SNTG1: variants seen among roughly 807,000 people sequenced by gnomAD.
SNTG1 encodes the protein gamma-1-syntrophin.
In SNTG1, 39 loss-of-function variants were observed where a neutral mutation model predicts 74.7. That is an observed-to-expected ratio of 0.52 (90% CI 0.40 to 0.68). SNTG1 has a LOEUF of 0.68. Ranked by LOEUF, SNTG1 falls within the 30% of genes least tolerant of loss-of-function variation. SNTG1 has a pLI of 0.00. For missense variants in SNTG1, 685 were observed against 609.5 expected, an observed-to-expected ratio of 1.12 and a Z score of -1.30; for synonymous variants, 254 against 217.1, an observed-to-expected ratio of 1.17 and a Z score of -1.49.
At chr8:50,339,389 T>A (rs75179057) in intron 2 of SNTG1, among the ~76,000 whole-genome samples, 1 of 151,980 alleles carries the variant, frequency 6.6e-6, no homozygotes, top group Non-Finnish European at 1.5e-5. Flanking sequence ...AAACAAGATC[T>A]TGTTTATATT....
Position 50,486,844 on chromosome 8 carries a change from A to C in SNTG1, c.364-15934A>C, listed in dbSNP as rs1309189887. Among the ~76,000 whole-genome samples the C allele has an allele frequency of 6.6e-5, 10 of 152,240 alleles. No individual in the cohort carries two copies. The East Asian group carries it at 1.7e-3, about 26-fold the overall frequency. On this transcript the variant is annotated intron_variant, in intron 8 of 18. Coordinates refer to ENST00000642720, the MANE Select transcript of SNTG1 (RefSeq NM_018967.5). ...TGTCCCATCAATACCTAATTTATTGAGAGTTTTTAGCATGAAGCGTTGTTG... is the reference window on the plus strand; with the variant it reads ...TGTCCCATCAATACCTAATTTATTGCGAGTTTTTAGCATGAAGCGTTGTTG...
intron 18 of SNTG1, among the ~76,000 whole-genome samples, chr8:50,769,935 G>C (rs1229979754): frequency 6.6e-6 from 1 of 152,044 alleles, no homozygotes; most frequent in Non-Finnish European, 1.5e-5. Context: ...AATGTAATAA[G>C]TTTCTATTTT....
In SNTG1 at chr8:50,314,166, C is replaced by A. The variant is rs969520396; in HGVS notation, c.-27-80046C>A. ...AGTTACTTATTAAAACTGAGGTGAG[C>A]ATTCTGATTCGAATCTGGTTTCAGT... On this transcript the variant is annotated intron_variant, in intron 2 of 18. Coordinates refer to ENST00000642720, the MANE Select transcript of SNTG1 (RefSeq NM_018967.5). Among the ~76,000 whole-genome samples the A allele has an allele frequency of 3.3e-5, 5 of 149,542 alleles. 1 individual carries two copies. Among genetic ancestry groups the A allele is most frequent in the African/African-American group, 1.0e-4 (4 of 40,068 alleles).
chr8:50,292,227 A>G (rs1209815300), intron 2 of SNTG1, among the ~76,000 whole-genome samples: 4 of 152,126 alleles, frequency 2.6e-5, no homozygotes, highest in Non-Finnish European at 5.9e-5. Context: ...TGAGTAAGGA[A>G]GACAGGGTGT....
At chr8:49,969,918 C>CTG (rs34129313) in intron 1 of SNTG1, among the ~76,000 whole-genome samples, 22,537 of 149,010 alleles carry the variant, frequency 0.15, 2,189 homozygotes, top group East Asian at 0.32. Context: ...AATAAAAAAC[C>CTG]TGTGTGTGTG....
intron 2 of SNTG1, among the ~76,000 whole-genome samples, chr8:50,338,800 G>A (rs2091232215): frequency 6.6e-6 from 1 of 152,044 alleles, no homozygotes; most frequent in African/African-American, 2.4e-5. Context: ...ATTTAAAAAG[G>A]GGTAACTTAT....
intron 12 of SNTG1, among the ~76,000 whole-genome samples, chr8:50,589,493 C>T (rs969023648): frequency 6.0e-5 from 9 of 151,128 alleles, no homozygotes; most frequent in Non-Finnish European, 8.8e-5. Context: ...CTTTCTATCC[C>T]GTGTTTTGCT....
chr8:50,470,511 C>T (rs1431329093), intron 8 of SNTG1, among the ~76,000 whole-genome samples: 1 of 152,036 alleles, frequency 6.6e-6, no homozygotes, highest in Non-Finnish European at 1.5e-5. Flanking sequence ...AGCCGCAGAC[C>T]TTCGTAGTGA....
At chr8:49,945,249 T>C (rs892808869) in intron 1 of SNTG1, among the ~76,000 whole-genome samples, 3 of 152,192 alleles carry the variant, frequency 2.0e-5, no homozygotes, top group African/African-American at 4.8e-5. Context: ...ACTTCAATAC[T>C]TGAATACACA....
intron 8 of SNTG1, among the ~76,000 whole-genome samples, chr8:50,467,885 T>C (rs1039736571): frequency 6.6e-6 from 1 of 151,972 alleles, no homozygotes; most frequent in African/African-American, 2.4e-5. Flanking sequence ...GACTTCTTAA[T>C]GACTCACATG....
At chr8:50,468,023 A>G (rs1457638423) in intron 8 of SNTG1, among the ~76,000 whole-genome samples, 1 of 145,702 alleles carries the variant, frequency 6.9e-6, no homozygotes, top group East Asian at 2.0e-4. Flanking sequence ...TTTTTTTTTC[A>G]AAAAATAGTT....
chr8:50,630,338 A>G (rs1461114555), intron 13 of SNTG1, among the ~76,000 whole-genome samples: 1 of 152,182 alleles, frequency 6.6e-6, no homozygotes, highest in Non-Finnish European at 1.5e-5. Context: ...GAATGCAGCA[A>G]TCATATGCCT....
At chr8:49,937,936 G>A (rs1644835402) in intron 1 of SNTG1, among the ~76,000 whole-genome samples, 1 of 151,780 alleles carries the variant, frequency 6.6e-6, no homozygotes, top group African/African-American at 2.4e-5. Flanking sequence ...TAATATTTTT[G>A]GCATAGTCAT....
intron 2 of SNTG1, among the ~76,000 whole-genome samples, chr8:50,183,135 T>G (rs1000186216): frequency 1.3e-5 from 2 of 152,176 alleles, no homozygotes; most frequent in Non-Finnish European, 2.9e-5. Context: ...ACTACTCCTT[T>G]GCTAGGCATT....
At chr8:50,521,898 A>T (rs2094182707) in intron 9 of SNTG1, among the ~76,000 whole-genome samples, 1 of 152,118 alleles carries the variant, frequency 6.6e-6, no homozygotes, top group African/African-American at 2.4e-5. Context: ...TACTGCCTCT[A>T]CTTGAGAAGT....
intron 2 of SNTG1, among the ~76,000 whole-genome samples, chr8:50,339,275 A>T (rs547222631): frequency 6.6e-6 from 1 of 152,094 alleles, no homozygotes; most frequent in African/African-American, 2.4e-5. Flanking sequence ...TTTTCAGTTC[A>T]TCCTCCTTGC....
chr8:50,227,615 T>TG (rs2085396940), intron 2 of SNTG1, among the ~76,000 whole-genome samples: 1 of 152,072 alleles, frequency 6.6e-6, no homozygotes, highest in African/African-American at 2.4e-5. Flanking sequence ...ATGATTCTCC[T>TG]CTCTGACCCT....
At chr8:50,164,103 T>C (rs1181994065) in intron 1 of SNTG1, 1 of 146,618 alleles carries the variant, frequency 6.8e-6, no homozygotes, top group Non-Finnish European at 1.5e-5. Flanking sequence ...TTTTTTTTTT[T>C]TTTTTTTTTT....
intron 4 of SNTG1, among the ~76,000 whole-genome samples, chr8:50,436,279 G>C (rs1316668570): frequency 6.6e-6 from 1 of 152,028 alleles, no homozygotes; most frequent in Non-Finnish European, 1.5e-5. Context: ...TAGTTTAGTT[G>C]GGTTGTCAGT....
Sources: allele counts gnomAD v4.1 joint callset (sites outside exome capture counted in the v4.1 genomes callset), GRCh38; gene constraint gnomAD v4.1.1; transcripts MANE v1.5; gene names NCBI Gene and HGNC (gene_info 2026-07-23, HGNC 2026-07-21).